Variants in KPNA2 observed in about 807,000 individuals in gnomAD.
KPNA2 encodes the protein karyopherin subunit alpha 2, also known as importin subunit alpha-1.
Under a neutral mutation model 53.7 loss-of-function variants are expected in KPNA2, and 20 were observed. That is an observed-to-expected ratio of 0.37 (90% CI 0.26 to 0.54). The LOEUF (loss-of-function observed/expected upper bound fraction) is 0.54, where lower values mean the gene tolerates loss of function less well. KPNA2 is among the 20% of genes least tolerant of loss of function. The pLI is 0.83. For synonymous variants in KPNA2, 238 were observed against 227.5 expected, an observed-to-expected ratio of 1.05 and a Z score of -0.42; for missense variants, 515 against 640.3, an observed-to-expected ratio of 0.80 and a Z score of 2.11.
intron 7 of KPNA2, 26 bp downstream of exon 7, chr17:68,043,389 A>G (rs1428822657): frequency 1.2e-6 from 2 of 1,609,226 alleles, no homozygotes; most frequent in Non-Finnish European, 1.7e-6. Context: ...GTAGATTAGG[A>G]CATAAGTATA....
intron 9 of KPNA2, chr17:68,045,526 G>C: frequency 2.7e-6 from 1 of 366,672 alleles, no homozygotes; most frequent in Non-Finnish European, 4.9e-6. Flanking sequence ...CATAGAAAAG[G>C]TTGGGAGCTA....
intron 1 of KPNA2, chr17:68,036,675 A>C (rs1845179255): frequency 5.8e-6 from 1 of 173,232 alleles, no homozygotes; most frequent in Non-Finnish European, 1.2e-5. Context: ...AATACGCTGT[A>C]AGCTTAAAGT....
At position 68,043,891 on chromosome 17, in the gene KPNA2, T is replaced by C; in HGVS notation, c.984T>C (p.Thr328=). The change falls in exon 8 of 11, where the codon ACT becomes ACC. Residue 328 remains threonine (T), a synonymous_variant. Coordinates refer to ENST00000330459, the MANE Select transcript of KPNA2 (RefSeq NM_002266.4). The part of the protein sequence containing the change: ...GNIVTGTDEQ[T]QVVIDAGALA... ...TTGTCACTGGTACAGATGAACAGAC[T>C]CAGGTTGTGATTGATGCAGGAGCAC... is the stretch of plus-strand genomic sequence containing the variant. 1.9e-6 allele frequency: 3 copies of C among 1,613,482 alleles called. No individual in the cohort carries two copies. The highest frequency in any genetic ancestry group is 2.5e-6 in the Non-Finnish European group (3 of 1,179,736).
rs782120137 is a variant in KPNA2, at chr17:68,046,596, G to T, written c.1590G>T (p.Ter530TyrextTer3). The change falls in exon 11 of 11, where the codon TAG becomes TAT. Residue 530 changes from the stop codon to tyrosine, a stop_lost. Coordinates refer to ENST00000330459, the MANE Select transcript of KPNA2 (RefSeq NM_002266.4). ...GGGCTCCTGGGACCTTTAACTTTTA[G>T]ATCATGTAGCTGAGACATAAATTTG... ...QDGAPGTFNF* is the reference protein window; with the variant it reads ...QDGAPGTFNFY The T allele has an allele frequency of 3.2e-6, 5 of 1,580,542 alleles. No homozygotes were observed. Among genetic ancestry groups the T allele is most frequent in the Non-Finnish European group, 8.7e-7 (1 of 1,150,554 alleles).
chr17:68,043,976 T>C lies in KPNA2; in HGVS notation c.1069T>C (p.Trp357Arg). Residue 357 changes from tryptophan (W) to arginine (R), a missense_variant, in exon 8 of 11, where the codon TGG (tryptophan) becomes CGG (arginine). Transcript: ENST00000330459. ...PKTNIQKEAT[W>R]TMSNITAGRQ... ...AACTAACATTCAGAAGGAAGCTACG[T>C]GGACAATGTCAAACATCACAGCCGG... The C allele has an allele frequency of 6.2e-7, 1 of 1,614,006 alleles. No individual in the cohort carries two copies. Among genetic ancestry groups the C allele is most frequent in the Non-Finnish European group, 8.5e-7 (1 of 1,179,894 alleles).
chr17:68,043,698 A>G, intron 7 of KPNA2, 140 bp from the exon 8 acceptor site: 2 of 597,912 alleles, frequency 3.3e-6, no homozygotes, highest in Non-Finnish European at 5.9e-6. Flanking sequence ...AAAAAAAAAA[A>G]AGCATAATCA....
intron 3 of KPNA2, among the ~76,000 whole-genome samples, chr17:68,040,434 T>C (rs2071245909): frequency 6.6e-6 from 1 of 152,108 alleles, no homozygotes. Flanking sequence ...GCTGCCTTTT[T>C]TAGCGACAAA....
Position 68,046,675 on chromosome 17 carries a change from C to G in KPNA2, c.*79C>G. The G allele has an allele frequency of 2.2e-6, 2 of 909,472 alleles. No homozygotes were observed. The highest frequency in any genetic ancestry group is 4.8e-5 in the East Asian group (2 of 41,310). 56.3% of individuals were successfully genotyped at this position (909,472 alleles called of 1,614,324 possible). A position where few individuals can be genotyped will look rare whatever the true frequency, so the allele number is the denominator to read the frequency against. ...ATTGTTTCTCTACTAAGAACTCTTTCTTAAATGTGGTTTGTTACTGTAGCA... is the reference window on the plus strand; with the variant it reads ...ATTGTTTCTCTACTAAGAACTCTTTGTTAAATGTGGTTTGTTACTGTAGCA... On this transcript the variant is annotated 3_prime_UTR_variant, in exon 11 of 11. Coordinates refer to ENST00000330459, the MANE Select transcript of KPNA2 (RefSeq NM_002266.4).
chr17:68,042,763 C>T (rs1326361652), intron 5 of KPNA2, 142 bp from the exon 6 acceptor site: 9 of 698,212 alleles, frequency 1.3e-5, no homozygotes, highest in Non-Finnish European at 2.0e-5. Context: ...GCGCCTGAGG[C>T]TGAGGCAGGA....
Position 68,043,030 on chromosome 17 carries a change from C to G in KPNA2, c.666+31C>G, listed in dbSNP as rs553955523. On this transcript the variant is annotated intron_variant, in intron 6 of 10. Coordinates refer to ENST00000330459, the MANE Select transcript of KPNA2 (RefSeq NM_002266.4). ...TTACTAACATGAGTAAAGTTACTCA[C>G]TTCTTCATTCTAATTTCCCCCATCT... 1.4e-5 allele frequency: 23 copies of G among 1,608,896 alleles called. No individual in the cohort carries two copies. In the Admixed American group the frequency reaches 2.8e-4, roughly 20 times the overall value.
Position 68,037,346 on chromosome 17 carries a change from T to C in KPNA2, c.76-12T>C, listed in dbSNP as rs782664729. The C allele has an allele frequency of 1.1e-5, 17 of 1,609,180 alleles. No individual in the cohort carries two copies. The highest frequency in any genetic ancestry group is 1.3e-5 in the Non-Finnish European group (15 of 1,178,540). Reference sequence around the variant, plus strand: ...GTGTGATAGGTGAAACGGCATGTTATCTTTTCTCAAGGAAATGAGGCGTCG... The same window carrying C: ...GTGTGATAGGTGAAACGGCATGTTACCTTTTCTCAAGGAAATGAGGCGTCG... On this transcript the variant is annotated splice_polypyrimidine_tract_variant and intron_variant, in intron 2 of 10. Transcript: ENST00000330459.
At chr17:68,040,998 T>G (rs1239579032) in intron 4 of KPNA2, among the ~76,000 whole-genome samples, 1 of 152,218 alleles carries the variant, frequency 6.6e-6, no homozygotes, top group African/African-American at 2.4e-5. Context: ...GACCTCAGCC[T>G]CCTGAAGTGC....
intron 2 of KPNA2, 56 bp from the exon 3 acceptor site, chr17:68,037,302 C>A (rs1227044882): frequency 6.3e-7 from 1 of 1,589,406 alleles, no homozygotes; most frequent in Non-Finnish European, 8.6e-7. Context: ...AAAATGCCCT[C>A]ACTTAGCAAC....
chr17:68,045,685 C>T (rs868909989), intron 9 of KPNA2, 87 bp from the exon 10 acceptor site: 18 of 961,366 alleles, frequency 1.9e-5, no homozygotes, highest in Middle Eastern at 3.5e-4. Flanking sequence ...TTCTGCCTGA[C>T]GTATCAATAT....
intron 3 of KPNA2, among the ~76,000 whole-genome samples, chr17:68,038,391 C>T (rs1331483281): frequency 4.6e-5 from 7 of 152,198 alleles, no homozygotes; most frequent in Non-Finnish European, 8.8e-5. Flanking sequence ...CAAGCGTGAG[C>T]CACCAGGCCC....
rs1555704647 is a variant in KPNA2 at position 68,042,186 on chromosome 17, C to T, written c.404C>T (p.Pro135Leu). 4 of 1,613,848 alleles carry T rather than the reference C, an allele frequency of 2.5e-6. No homozygotes were observed. The South Asian group carries it at 4.4e-5, about 18-fold the overall frequency. ...TTCTTGGGCAGAACTGATTGTAGTC[C>T]CATTCAGTTTGAATCTGCTTGGGCA... ...VSFLGRTDCS[P>L]IQFESAWALT... Residue 135 changes from proline to leucine, a missense_variant, in exon 5 of 11, where the codon CCC (proline) becomes CTC (leucine). Physicochemically the swap from Pro to Leu is moderately conservative, Grantham distance 98. Coordinates refer to ENST00000330459, the MANE Select transcript of KPNA2 (RefSeq NM_002266.4).
At chr17:68,043,683 C>A (rs1304775241) in intron 7 of KPNA2, among the ~76,000 whole-genome samples, 155 bp from the exon 8 acceptor site, 1 of 141,510 alleles carries the variant, frequency 7.1e-6, no homozygotes. Flanking sequence ...TCCAGTCTCT[C>A]AAAAAAAAAA....
At chr17:68,037,555 T>C in intron 3 of KPNA2, 60 bp downstream of exon 3, 3 of 1,494,604 alleles carry the variant, frequency 2.0e-6, no homozygotes, top group Middle Eastern at 1.8e-4. Flanking sequence ...TAGGGACTTT[T>C]CTTAGAAATT....
chr17:68,040,005 A>AGGAGGC (rs1318390545), intron 3 of KPNA2, among the ~76,000 whole-genome samples: 4 of 145,848 alleles, frequency 2.7e-5, no homozygotes, highest in Non-Finnish European at 3.0e-5. Context: ...GCTTGAACCC[A>AGGAGGC]GGAGGCGGAG....
Sources: allele counts gnomAD v4.1 joint callset (sites outside exome capture counted in the v4.1 genomes callset), GRCh38; gene constraint gnomAD v4.1.1; transcripts MANE v1.5; gene names NCBI Gene and HGNC (gene_info 2026-07-23, HGNC 2026-07-21).